The following CDH13 variants were observed in gnomAD, a reference collection of about 807,000 sequenced individuals.
The protein encoded by CDH13 is cadherin 13, also known as cadherin-13.
Under a neutral mutation model 63.8 loss-of-function variants are expected in CDH13, and 24 were observed. That is an observed-to-expected ratio of 0.38 (90% confidence interval 0.27 to 0.53). The LOEUF (loss-of-function observed/expected upper bound fraction) is 0.53, where lower values mean the gene tolerates loss of function less well. Ranked by LOEUF, CDH13 falls within the 20% of genes least tolerant of loss-of-function variation. The probability of loss-of-function intolerance (pLI) is 0.85; values close to 1 mark genes in which losing one functional copy is unlikely to be tolerated. For missense variants in CDH13, 1,049 were observed against 903.1 expected (o/e 1.16, Z -2.07); for synonymous variants, 503 against 355.3 (o/e 1.42, Z -4.67).
chr16:82,953,506 A>G (rs752467475), intron 2 of CDH13: 1 of 152,196 alleles, frequency 6.6e-6, no homozygotes, highest in Non-Finnish European at 1.5e-5. Context: ...AAAAACATCA[A>G]GATGTTTTGC....
chr16:83,598,995 C>T (rs1405650526), intron 7 of CDH13, among the ~76,000 whole-genome samples: 2 of 152,212 alleles, frequency 1.3e-5, no homozygotes, highest in Admixed American at 6.5e-5. Flanking sequence ...GAATGGAAAG[C>T]CCTGATTGGC....
chr16:83,086,749 T>C (rs1358647133), intron 3 of CDH13, among the ~76,000 whole-genome samples: 2 of 152,158 alleles, frequency 1.3e-5, no homozygotes, highest in Non-Finnish European at 2.9e-5. Flanking sequence ...CTGCTAAGAA[T>C]GATGCACACA....
At chr16:83,706,699 G>GCA (rs1218441337) in intron 10 of CDH13, among the ~76,000 whole-genome samples, 3 of 152,084 alleles carry the variant, frequency 2.0e-5, no homozygotes, top group Non-Finnish European at 4.4e-5. Context: ...GCATGTGTGT[G>GCA]CACACACACA....
intron 7 of CDH13, among the ~76,000 whole-genome samples, chr16:83,543,289 A>G (rs899722580): frequency 6.6e-6 from 1 of 152,212 alleles, no homozygotes. Context: ...GTCACTCCTC[A>G]TTACATATTT....
At chr16:83,267,849 C>A (rs1221803835) in intron 5 of CDH13, among the ~76,000 whole-genome samples, 1 of 152,164 alleles carries the variant, frequency 6.6e-6, no homozygotes, top group Admixed American at 6.5e-5. Context: ...ACTAAGACAT[C>A]TTTTATCACC....
chr16:83,586,783 G>A (rs1232516372), intron 7 of CDH13, among the ~76,000 whole-genome samples: 1 of 152,088 alleles, frequency 6.6e-6, no homozygotes, highest in Non-Finnish European at 1.5e-5. Context: ...GAGCCTTCCA[G>A]AATAATCTGT....
intron 2 of CDH13, among the ~76,000 whole-genome samples, chr16:83,018,600 C>T (rs1567749634): frequency 1.3e-5 from 2 of 152,158 alleles, no homozygotes; most frequent in South Asian, 4.1e-4. Flanking sequence ...TGCTTTAGGC[C>T]CCTCCAGTAT....
At chr16:83,356,211 CATGTGTGTGTGTGTGTGTGTGTGT>C (rs978114596) in intron 6 of CDH13, among the ~76,000 whole-genome samples, 6 of 60,722 alleles carry the variant, frequency 9.9e-5, no homozygotes, top group Non-Finnish European at 1.9e-4. Flanking sequence ...TATTTATTTT[CATGTGTGTGTGTGTGTGTGTGTGT>C]GTGTGTGTGT....
intron 7 of CDH13, among the ~76,000 whole-genome samples, chr16:83,576,720 G>A (rs749883443): frequency 6.6e-6 from 1 of 152,164 alleles, no homozygotes; most frequent in African/African-American, 2.4e-5. Context: ...TCTATGAGGT[G>A]CCATCTCATA....
chr16:82,984,414 C>T (rs527993397), intron 2 of CDH13, among the ~76,000 whole-genome samples: 2 of 152,202 alleles, frequency 1.3e-5, no homozygotes, highest in Non-Finnish European at 2.9e-5. Context: ...AATTCTGACT[C>T]TGCTACTTAT....
At chr16:83,377,815 G>T (rs542971416) in intron 6 of CDH13, among the ~76,000 whole-genome samples, 36 of 152,056 alleles carry the variant, frequency 2.4e-4, no homozygotes, top group African/African-American at 8.0e-4. Context: ...TCTTTGTTCT[G>T]GTGTTATCTG....
intron 8 of CDH13, among the ~76,000 whole-genome samples, chr16:83,654,277 G>A (rs1912665387): frequency 6.6e-6 from 1 of 151,994 alleles, no homozygotes; most frequent in Admixed American, 6.5e-5. Context: ...GCACCAACCT[G>A]ATACATCTAT....
chr16:83,214,211 T>C (rs2039426200), intron 4 of CDH13, among the ~76,000 whole-genome samples: 1 of 151,984 alleles, frequency 6.6e-6, no homozygotes, highest in South Asian at 2.1e-4. Context: ...TGAGTGTGCT[T>C]GGTGACCCCT....
intron 3 of CDH13, among the ~76,000 whole-genome samples, chr16:83,065,095 A>T (rs982866686): frequency 6.6e-6 from 1 of 152,084 alleles, no homozygotes; most frequent in Non-Finnish European, 1.5e-5. Context: ...AAGTGAGATC[A>T]TGTGGTATTT....
chr16:83,165,930 G>T (rs1159336906), intron 4 of CDH13, among the ~76,000 whole-genome samples: 4 of 152,142 alleles, frequency 2.6e-5, no homozygotes, highest in Non-Finnish European at 4.4e-5. Context: ...AATCAACAGT[G>T]GTGGGAGAGG....
intron 5 of CDH13, among the ~76,000 whole-genome samples, chr16:83,219,090 A>G (rs1280351966): frequency 6.6e-6 from 1 of 152,166 alleles, no homozygotes; most frequent in African/African-American, 2.4e-5. Context: ...CTAATACAGC[A>G]TCTGAGATCC....
At chr16:83,245,921 G>T (rs1329181077) in intron 5 of CDH13, among the ~76,000 whole-genome samples, 1 of 151,970 alleles carries the variant, frequency 6.6e-6, no homozygotes, top group Admixed American at 6.6e-5. Context: ...ATTTTTTGTA[G>T]AGACTAGGTC....
At chr16:82,863,093 T>C (rs2040003509) in intron 2 of CDH13, among the ~76,000 whole-genome samples, 1 of 152,190 alleles carries the variant, frequency 6.6e-6, no homozygotes. Context: ...TGGGTATCGA[T>C]GCAGGATCAC....
intron 1 of CDH13, among the ~76,000 whole-genome samples, chr16:82,699,383 C>A (rs930534277): frequency 1.3e-5 from 2 of 152,166 alleles, no homozygotes; most frequent in African/African-American, 2.4e-5. Flanking sequence ...ATACACTCTG[C>A]AAGTGGAGAG....
Sources: gnomAD v4.1 joint callset for allele counts (sites outside exome capture counted in the v4.1 genomes callset) on GRCh38, gnomAD v4.1.1 for gene constraint, MANE v1.5 for transcripts, NCBI Gene and HGNC (gene_info 2026-07-23, HGNC 2026-07-21) for gene names.